Variants in ASCC3 observed in about 807,000 individuals in gnomAD.
ASCC3 encodes ASC-1 complex subunit P200.
ASCC3 carries 158 observed loss-of-function variants against 256.3 expected under a neutral mutation model. The observed-to-expected ratio is 0.62, with a 90% CI of 0.54 to 0.70. ASCC3 has a LOEUF of 0.70. Ranked by LOEUF, ASCC3 falls within the 30% of genes least tolerant of loss-of-function variation. The probability of loss-of-function intolerance (pLI) is 0.00; values close to 1 mark genes in which losing one functional copy is unlikely to be tolerated. For missense variants in ASCC3, 2,259 were observed against 2,626.0 expected, an observed-to-expected ratio of 0.86 and a Z score of 3.05; for synonymous variants, 948 against 883.4, an observed-to-expected ratio of 1.07 and a Z score of -1.30.
At chr6:100,747,323 T>C (rs1187663660) in intron 10 of ASCC3, among the ~76,000 whole-genome samples, 3 of 152,052 alleles carry the variant, frequency 2.0e-5, no homozygotes, top group African/African-American at 7.2e-5. Context: ...TATTGCTGCT[T>C]TGGAATACAG....
intron 29 of ASCC3, among the ~76,000 whole-genome samples, chr6:100,626,712 G>C (rs961437985): frequency 6.6e-6 from 1 of 151,868 alleles, no homozygotes; most frequent in African/African-American, 2.4e-5. Context: ...ATAAAGCTTT[G>C]ATAAATCATA....
chr6:100,596,406 C>G (rs1442921663), intron 34 of ASCC3, among the ~76,000 whole-genome samples: 1 of 152,076 alleles, frequency 6.6e-6, no homozygotes, highest in African/African-American at 2.4e-5. Flanking sequence ...GTTAAAGTCT[C>G]CTAACATGAC....
At chr6:100,566,418 C>T (rs1364008287) in intron 36 of ASCC3, among the ~76,000 whole-genome samples, 1 of 152,106 alleles carries the variant, frequency 6.6e-6, no homozygotes, top group African/African-American at 2.4e-5. Flanking sequence ...CATACTATGG[C>T]CACCTCAATG....
At chr6:100,711,420 T>C (rs2115014808) in intron 13 of ASCC3, among the ~76,000 whole-genome samples, 1 of 152,182 alleles carries the variant, frequency 6.6e-6, no homozygotes, top group South Asian at 2.1e-4. Context: ...TATTTAAGAG[T>C]ACTCATTCAT....
At chr6:100,740,937 A>C (rs1780406780) in intron 10 of ASCC3, among the ~76,000 whole-genome samples, 2 of 152,184 alleles carry the variant, frequency 1.3e-5, no homozygotes, top group African/African-American at 4.8e-5. Context: ...TGATCCTGTC[A>C]TCATGATATT....
intron 19 of ASCC3, 50 bp downstream of exon 19, chr6:100,651,510 T>TC: frequency 9.6e-7 from 1 of 1,038,826 alleles, no homozygotes; most frequent in Non-Finnish European, 1.4e-6. Flanking sequence ...TATAAATGAA[T>TC]GAATGCATAC....
intron 22 of ASCC3, among the ~76,000 whole-genome samples, chr6:100,645,744 T>A (rs1466516763): frequency 6.6e-6 from 1 of 152,090 alleles, no homozygotes; most frequent in Non-Finnish European, 1.5e-5. Flanking sequence ...TTTATATACA[T>A]AATAATATCT....
chr6:100,792,340 G>A (rs1769389335), intron 8 of ASCC3, among the ~76,000 whole-genome samples: 1 of 151,862 alleles, frequency 6.6e-6, no homozygotes, highest in Non-Finnish European at 1.5e-5. Context: ...GTAAAATTAT[G>A]TCTATCTTTA....
intron 37 of ASCC3, among the ~76,000 whole-genome samples, chr6:100,528,002 AT>A (rs558311857): frequency 2.4e-3 from 338 of 143,060 alleles, no homozygotes; most frequent in Admixed American, 4.1e-3. Context: ...TGCCCAGCTA[AT>A]TTTTTTTTTT....
intron 16 of ASCC3, among the ~76,000 whole-genome samples, chr6:100,658,389 AT>A (rs1776023872): frequency 6.6e-6 from 1 of 151,538 alleles, no homozygotes; most frequent in Admixed American, 6.6e-5. Flanking sequence ...TTTTTAAAAA[AT>A]TGTTGAAATT....
intron 10 of ASCC3, among the ~76,000 whole-genome samples, chr6:100,750,622 T>C (rs1780894121): frequency 6.6e-6 from 1 of 152,020 alleles, no homozygotes; most frequent in African/African-American, 2.4e-5. Context: ...ACTAACCAGA[T>C]CTACATCTCC....
chr6:100,651,710 G>T, intron 18 of ASCC3, 64 bp from the exon 19 acceptor site: 2 of 885,830 alleles, frequency 2.3e-6, no homozygotes, highest in Non-Finnish European at 3.2e-6. Context: ...AATTAAAAAT[G>T]TGACTATAAA....
chr6:100,727,487 A>G (rs1779691042), intron 10 of ASCC3, among the ~76,000 whole-genome samples: 1 of 151,938 alleles, frequency 6.6e-6, no homozygotes, highest in South Asian at 2.1e-4. Context: ...ACAAATTACT[A>G]GATTGAATTA....
At chr6:100,582,005 G>A (rs545510541) in intron 36 of ASCC3, among the ~76,000 whole-genome samples, 1 of 152,172 alleles carries the variant, frequency 6.6e-6, no homozygotes, top group Non-Finnish European at 1.5e-5. Flanking sequence ...TATATAGTTT[G>A]AAGTCAGGTA....
intron 1 of ASCC3, among the ~76,000 whole-genome samples, 175 bp downstream of exon 1, chr6:100,880,886 G>A (rs79492793): frequency 0.058 from 8,854 of 152,272 alleles, 365 homozygotes; most frequent in Non-Finnish European, 0.09. Flanking sequence ...ATTGTTGCGA[G>A]ACCCCGGACT....
chr6:100,751,645 T>C lies in ASCC3; in HGVS notation c.1737+14920A>G, dbSNP rs376634012. On this transcript the variant is annotated intron_variant, in intron 10 of 41. Transcript: ENST00000369162. ...GTTTTGCTGTAAAAACATTAATGTG[T>C]TTGATTATAGGGAGCTGCTCAAGAC... 2.6e-5 allele frequency among the ~76,000 whole-genome samples: 4 copies of C among 152,126 alleles called. No individual in the cohort carries two copies. In the East Asian group the frequency reaches 7.7e-4, roughly 29 times the overall value.
chr6:100,697,612 TA>T (rs1778155921), intron 13 of ASCC3, among the ~76,000 whole-genome samples: 1 of 152,072 alleles, frequency 6.6e-6, no homozygotes, highest in South Asian at 2.1e-4. Flanking sequence ...TTTCCAAAAT[TA>T]TGCACAGTAT....
Position 100,650,683 on chromosome 6 carries a change from G to T in ASCC3, c.3107C>A (p.Thr1036Asn). ...VREEEIEELD[T>N]LLSNFCELST... Reference sequence around the variant, plus strand: ...GAGTTCACAAAAATTGCTTAATAAGGTATCTAACTCCTCTATTTCCTCTTC... The same window carrying T: ...GAGTTCACAAAAATTGCTTAATAAGTTATCTAACTCCTCTATTTCCTCTTC... The change falls in exon 20 of 42, where the codon ACC becomes AAC. Residue 1036 changes from threonine to asparagine, a missense_variant. Thr to Asn is a moderately conservative substitution (Grantham distance 65, BLOSUM62 0). This residue lies in a region of ASCC3 where 1,839 missense variants were observed against 2,206.7 expected (regional missense o/e 0.83). Coordinates refer to ENST00000369162, the MANE Select transcript of ASCC3 (RefSeq NM_006828.4). 6.2e-7 allele frequency: 1 copy of T among 1,611,458 alleles called. No individual in the cohort carries two copies. The highest frequency in any genetic ancestry group is 8.5e-7 in the Non-Finnish European group (1 of 1,178,144).
At chr6:100,544,272 C>A (rs1403110628) in intron 36 of ASCC3, among the ~76,000 whole-genome samples, 2 of 151,794 alleles carry the variant, frequency 1.3e-5, no homozygotes, top group Non-Finnish European at 2.9e-5. Flanking sequence ...AGAAAAAGAA[C>A]AGGAAATTAA....
Sources: allele counts gnomAD v4.1 joint callset (sites outside exome capture counted in the v4.1 genomes callset), GRCh38; gene constraint gnomAD v4.1.1; regional missense constraint gnomAD v4.1.1; transcripts MANE v1.5; gene names NCBI Gene and HGNC (gene_info 2026-07-23, HGNC 2026-07-21).